SIPA1L1: variants seen among roughly 807,000 people sequenced by gnomAD.
SIPA1L1 encodes the protein signal induced proliferation associated 1 like 1, also known as signal-induced proliferation-associated 1-like protein 1.
In SIPA1L1, 26 loss-of-function variants were observed where a neutral mutation model predicts 162.7. The ratio of observed to expected loss-of-function variants is 0.16; its 90% confidence interval spans 0.12 to 0.22. The LOEUF (loss-of-function observed/expected upper bound fraction) is 0.22, where lower values mean the gene tolerates loss of function less well. Ranked by LOEUF, SIPA1L1 falls within the 10% of genes least tolerant of loss-of-function variation. The pLI, the probability that SIPA1L1 is intolerant of heterozygous loss-of-function variation, is 1.00. For synonymous variants in SIPA1L1, 829 were observed against 837.4 expected, an observed-to-expected ratio of 0.99 and a Z score of 0.17; for missense variants, 1,874 against 2,241.0, an observed-to-expected ratio of 0.84 and a Z score of 3.31.
chr14:71,466,069 T>C (rs1247821122), intron 2 of SIPA1L1, among the ~76,000 whole-genome samples: 1 of 152,202 alleles, frequency 6.6e-6, no homozygotes, highest in Non-Finnish European at 1.5e-5. Context: ...CCAGGATCAA[T>C]ACTTCACATC....
At chr14:71,615,669 G>A (rs1235261724) in intron 5 of SIPA1L1, among the ~76,000 whole-genome samples, 2 of 152,170 alleles carry the variant, frequency 1.3e-5, no homozygotes, top group Non-Finnish European at 2.9e-5. Flanking sequence ...GTTCACTTTT[G>A]CAGATGTGCG....
chr14:71,461,912 C>T (rs1056539160), intron 2 of SIPA1L1, among the ~76,000 whole-genome samples: 2 of 152,126 alleles, frequency 1.3e-5, no homozygotes, highest in African/African-American at 2.4e-5. Flanking sequence ...CCCATGAGGC[C>T]GTGGGTGCAG....
intron 16 of SIPA1L1, among the ~76,000 whole-genome samples, chr14:71,705,717 T>C (rs2082389092): frequency 6.6e-6 from 1 of 151,976 alleles, no homozygotes; most frequent in East Asian, 2.0e-4. Context: ...GCAGGACTGA[T>C]GCTCCAACCA....
chr14:71,393,344 T>G (rs1022461381), intron 2 of SIPA1L1, among the ~76,000 whole-genome samples: 7 of 152,270 alleles, frequency 4.6e-5, no homozygotes, highest in African/African-American at 1.4e-4. Context: ...TAATATGCAT[T>G]TGAAAGTGCA....
intron 7 of SIPA1L1, among the ~76,000 whole-genome samples, chr14:71,630,580 C>T (rs2040468915): frequency 6.6e-6 from 1 of 152,152 alleles, no homozygotes; most frequent in East Asian, 1.9e-4. Context: ...GTTTTAAATT[C>T]AGCTTTAAAA....
intron 2 of SIPA1L1, among the ~76,000 whole-genome samples, chr14:71,426,692 A>G (rs1052573666): frequency 1.3e-5 from 2 of 151,994 alleles, no homozygotes; most frequent in Admixed American, 6.6e-5. Flanking sequence ...GGGTTTCACC[A>G]TGTTGGCCAA....
chr14:71,612,621 A>G (rs900178653), intron 5 of SIPA1L1, among the ~76,000 whole-genome samples: 4 of 152,204 alleles, frequency 2.6e-5, no homozygotes, highest in South Asian at 4.1e-4. Flanking sequence ...TGCAGATACC[A>G]TGATAACCAG....
intron 2 of SIPA1L1, among the ~76,000 whole-genome samples, chr14:71,502,252 A>AT (rs200734690): frequency 0.21 from 22,551 of 108,544 alleles, 2,205 homozygotes; most frequent in East Asian, 0.28. Flanking sequence ...GAAAAAAAAA[A>AT]AAAATATATA....
intron 5 of SIPA1L1, among the ~76,000 whole-genome samples, chr14:71,599,892 A>G (rs2036529965): frequency 6.6e-6 from 1 of 151,932 alleles, no homozygotes; most frequent in Admixed American, 6.6e-5. Flanking sequence ...TTTTTTTTAT[A>G]TACCTATTGG....
At chr14:71,594,232 GT>G (rs1207775841) in intron 5 of SIPA1L1, among the ~76,000 whole-genome samples, 1 of 152,046 alleles carries the variant, frequency 6.6e-6, no homozygotes, top group Admixed American at 6.6e-5. Context: ...TTGTACTAAA[GT>G]TACAGCTTTA....
At chr14:71,540,107 T>TA (rs1343472869) in intron 4 of SIPA1L1, among the ~76,000 whole-genome samples, 1 of 151,750 alleles carries the variant, frequency 6.6e-6, no homozygotes, top group African/African-American at 2.4e-5. Flanking sequence ...GCTCTAAAAA[T>TA]ACCTTATCAT....
rs141274794 is a variant in SIPA1L1 at position 71,582,889 on chromosome 14, C to T, written c.-302-4682C>T. On this transcript the variant is annotated intron_variant, in intron 4 of 23. Transcript: ENST00000381232. The stretch of plus-strand genomic sequence containing the variant: ...AAATCTTAAATTATCCATGACATTG[C>T]ACTAAGATGTGTTTCAGGCTAACTT... Among the ~76,000 whole-genome samples, 243 of 152,276 alleles carry T rather than the reference C, an allele frequency of 1.6e-3. 1 individual carries two copies. Among genetic ancestry groups the T allele is most frequent in the Non-Finnish European group, 2.8e-3 (191 of 68,020 alleles).
chr14:71,485,234 C>G (rs1410660148), intron 2 of SIPA1L1, among the ~76,000 whole-genome samples: 4 of 152,206 alleles, frequency 2.6e-5, no homozygotes, highest in Non-Finnish European at 4.4e-5. Context: ...TCCATGAAAT[C>G]CTGTGATGAT....
At chr14:71,428,392 GTTTTATTTTTAT>G (rs926212964) in intron 2 of SIPA1L1, among the ~76,000 whole-genome samples, 1 of 151,378 alleles carries the variant, frequency 6.6e-6, no homozygotes, top group South Asian at 2.1e-4. Flanking sequence ...TTTTTTACTG[GTTTTATTTTTAT>G]TTTTATTTTT....
intron 10 of SIPA1L1, 104 bp downstream of exon 10, chr14:71,661,571 C>T (rs1314697412): frequency 8.1e-7 from 1 of 1,233,738 alleles, no homozygotes; most frequent in Non-Finnish European, 1.1e-6. Context: ...AAGTCTATTA[C>T]TATTTCTTTT....
At chr14:71,393,654 A>G (rs1555412016) in intron 2 of SIPA1L1, among the ~76,000 whole-genome samples, 1 of 151,742 alleles carries the variant, frequency 6.6e-6, no homozygotes, top group African/African-American at 2.4e-5. Flanking sequence ...TCTTCCCCAC[A>G]CCCCACCAAA....
At chr14:71,487,878 A>T (rs902367157) in intron 2 of SIPA1L1, among the ~76,000 whole-genome samples, 3 of 152,224 alleles carry the variant, frequency 2.0e-5, no homozygotes, top group Non-Finnish European at 4.4e-5. Context: ...TATCTGCTAT[A>T]TGCTGGGTTC....
chr14:71,386,788 G>A (rs947014619), intron 2 of SIPA1L1, among the ~76,000 whole-genome samples: 2 of 152,136 alleles, frequency 1.3e-5, no homozygotes, highest in African/African-American at 4.8e-5. Context: ...CATACCTTCA[G>A]TACCATTGAT....
intron 3 of SIPA1L1, among the ~76,000 whole-genome samples, chr14:71,518,599 T>C (rs1168496565): frequency 6.6e-6 from 1 of 152,194 alleles, no homozygotes; most frequent in Non-Finnish European, 1.5e-5. Context: ...TCTTTTTCTT[T>C]ACTTTTTGTT....
Sources: gnomAD v4.1 joint callset for allele counts (sites outside exome capture counted in the v4.1 genomes callset) on GRCh38, gnomAD v4.1.1 for gene constraint, MANE v1.5 for transcripts, NCBI Gene and HGNC (gene_info 2026-07-23, HGNC 2026-07-21) for gene names.